Variants in FBXL17 observed in about 807,000 individuals in gnomAD.
The protein encoded by FBXL17 is F-box and leucine rich repeat protein 17, also known as F-box/LRR-repeat protein 17.
A neutral mutation model predicts 66.2 loss-of-function variants in FBXL17; 22 were observed. The observed-to-expected ratio is 0.33, with a 90% CI of 0.24 to 0.47. FBXL17 has a LOEUF of 0.47. FBXL17 is among the 20% of genes least tolerant of loss of function. FBXL17 has a pLI of 1.00. For missense variants in FBXL17, 878 were observed against 948.2 expected (o/e 0.93, Z 0.97); for synonymous variants, 474 against 400.5 (o/e 1.18, Z -2.19).
rs942570323 is a variant in FBXL17 at position 107,861,592 on chromosome 5, C to G, written c.*128G>C. Reference sequence around the variant, plus strand: ...TGGTATGCAGTATGCAAACAAGACACAAATACACATACTTGAACACACACA... The same window carrying G: ...TGGTATGCAGTATGCAAACAAGACAGAAATACACATACTTGAACACACACA... On this transcript the variant is annotated 3_prime_UTR_variant, in exon 9 of 9. Coordinates refer to ENST00000542267, the MANE Select transcript of FBXL17 (RefSeq NM_001163315.3). 15 of 861,998 alleles carry G rather than the reference C, an allele frequency of 1.7e-5. No individual in the cohort carries two copies. Among genetic ancestry groups the G allele is most frequent in the Middle Eastern group, 3.0e-4 (1 of 3,382 alleles). The allele number at this position is 861,998 out of a possible 1,614,324, so 53.4% of individuals were successfully genotyped here. A position where few individuals can be genotyped will look rare whatever the true frequency, so the allele number is the denominator to read the frequency against.
At chr5:108,050,819 A>G (rs748574685) in intron 6 of FBXL17, among the ~76,000 whole-genome samples, 17 of 152,154 alleles carry the variant, frequency 1.1e-4, no homozygotes, top group South Asian at 6.2e-4. Context: ...CTAGACTAAT[A>G]AAGAAGAAAA....
intron 4 of FBXL17, among the ~76,000 whole-genome samples, chr5:108,321,662 C>T (rs1444808659): frequency 6.6e-6 from 1 of 151,222 alleles, no homozygotes. Context: ...CTAACTATAA[C>T]TCAAAACTCA....
Position 108,381,361 on chromosome 5 carries a change from C to T in FBXL17, c.331G>A (p.Asp111Asn), listed in dbSNP as rs1259051973. ...AAGCGGCGGGCAGCAGCGGCGCAGT[C>T]CTCGGCGGCCAGGGCCGCGTAGCGC... ...ARRYAALAAE[D>N]CAAAARRFLL... is the part of the protein sequence containing the mutation. The change falls in exon 1 of 9, where the codon GAC (aspartate) becomes AAC (asparagine). Residue 111 changes from aspartate to asparagine, a missense_variant. By Grantham distance (23) the Asp-to-Asn change is conservative. Coordinates refer to ENST00000542267, the MANE Select transcript of FBXL17 (RefSeq NM_001163315.3). 1.2e-5 allele frequency: 16 copies of T among 1,346,154 alleles called. No individual in the cohort carries two copies. Among genetic ancestry groups the T allele is most frequent in the Non-Finnish European group, 1.5e-5 (16 of 1,057,410 alleles). The allele number at this position is 1,346,154 out of a possible 1,614,324, so 83.4% of individuals were successfully genotyped here.
At chr5:108,285,337 T>C (rs770125539) in intron 4 of FBXL17, among the ~76,000 whole-genome samples, 1 of 151,952 alleles carries the variant, frequency 6.6e-6, no homozygotes, top group Non-Finnish European at 1.5e-5. Context: ...TGAATGTTCT[T>C]AATGGCATCT....
At position 108,096,086 on chromosome 5, in the gene FBXL17, A is replaced by C. The variant is rs369204767; in HGVS notation, c.1746-75085T>G. ...TTAAAACTGTTATACGCTTGTTTGC[A>C]ATTCCATAAAGCTAAGGAGTCCAAA... On this transcript the variant is annotated intron_variant, in intron 6 of 8. Coordinates refer to ENST00000542267, the MANE Select transcript of FBXL17 (RefSeq NM_001163315.3). Among the ~76,000 whole-genome samples, 37 of 152,332 alleles carry C rather than the reference A, an allele frequency of 2.4e-4. No homozygotes were observed. The South Asian group carries it at 7.5e-3, about 31-fold the overall frequency.
At chr5:108,227,498 C>T (rs1226757777) in intron 4 of FBXL17, among the ~76,000 whole-genome samples, 1 of 152,114 alleles carries the variant, frequency 6.6e-6, no homozygotes, top group East Asian at 1.9e-4. Flanking sequence ...AAGATGAGAT[C>T]GACAAATTTA....
chr5:108,340,401 A>C (rs953947127), intron 4 of FBXL17, among the ~76,000 whole-genome samples: 10 of 152,004 alleles, frequency 6.6e-5, no homozygotes, highest in African/African-American at 2.4e-4. Flanking sequence ...AAAAAAAAAA[A>C]AAAAAAACTC....
At chr5:108,091,140 T>A (rs919859439) in intron 6 of FBXL17, among the ~76,000 whole-genome samples, 2 of 152,224 alleles carry the variant, frequency 1.3e-5, no homozygotes, top group African/African-American at 4.8e-5. Context: ...CAACCACTTA[T>A]CTGTGTGAAT....
intron 6 of FBXL17, among the ~76,000 whole-genome samples, chr5:108,041,647 A>C (rs1163546305): frequency 1.3e-5 from 2 of 151,994 alleles, no homozygotes; most frequent in Non-Finnish European, 2.9e-5. Flanking sequence ...CGAACTCCTT[A>C]GCTCAAGTGA....
At chr5:108,140,594 T>C (rs560602003) in intron 6 of FBXL17, among the ~76,000 whole-genome samples, 125 of 152,280 alleles carry the variant, frequency 8.2e-4, no homozygotes, top group Non-Finnish European at 1.7e-3. Context: ...TTTATTGGGG[T>C]TACATGTGGG....
Position 107,990,760 on chromosome 5 carries a change from G to A in FBXL17, c.1822+30165C>T, listed in dbSNP as rs150909630. Among the ~76,000 whole-genome samples, 245 of 152,234 alleles carry A rather than the reference G, an allele frequency of 1.6e-3. 1 individual carries two copies. The highest frequency in any genetic ancestry group is 3.4e-3 in the Admixed American group (52 of 15,278). ...GGCAAACTGATAAGCAACAGAAGAT[G>A]CAAACAGAAACATGAAAGACAAGGT... On this transcript the variant is annotated intron_variant, in intron 7 of 8. Coordinates refer to ENST00000542267, the MANE Select transcript of FBXL17 (RefSeq NM_001163315.3).
chr5:108,245,161 C>T (rs775258525), intron 4 of FBXL17, among the ~76,000 whole-genome samples: 32 of 152,012 alleles, frequency 2.1e-4, no homozygotes, highest in Non-Finnish European at 4.3e-4. Context: ...AAAGAACATA[C>T]CCATCCCTGG....
chr5:107,860,822 A>G lies in FBXL17; in HGVS notation c.*898T>C, dbSNP rs1395254038. ...TAATAATTACCAAAATTAAGAAAAT[A>G]ATGAAATGATCTGTAGTTTTTAAAA... is the stretch of plus-strand genomic sequence containing the variant. On this transcript the variant is annotated 3_prime_UTR_variant, in exon 9 of 9. Transcript: ENST00000542267. 2.6e-5 allele frequency: 4 copies of G among 152,440 alleles called. No individual in the cohort carries two copies. Among genetic ancestry groups the G allele is most frequent in the African/African-American group, 9.6e-5 (4 of 41,480 alleles). The allele number at this position is 152,440 out of a possible 1,614,324, so 9.4% of individuals were successfully genotyped here. A position where few individuals can be genotyped will look rare whatever the true frequency, so the allele number is the denominator to read the frequency against.
chr5:108,348,595 T>C, intron 3 of FBXL17, 65 bp from the exon 4 acceptor site: 3 of 1,525,558 alleles, frequency 2.0e-6, no homozygotes, highest in Non-Finnish European at 2.7e-6. Flanking sequence ...TCAAGTGAGA[T>C]TTTCATATAA....
chr5:108,098,570 C>A (rs1256328095), intron 6 of FBXL17, among the ~76,000 whole-genome samples: 1 of 151,738 alleles, frequency 6.6e-6, no homozygotes, highest in Non-Finnish European at 1.5e-5. Context: ...ACGGTCAAAC[C>A]CCGTCTCTAC....
At chr5:108,156,632 A>T (rs1752008123) in intron 6 of FBXL17, among the ~76,000 whole-genome samples, 1 of 152,040 alleles carries the variant, frequency 6.6e-6, no homozygotes, top group Non-Finnish European at 1.5e-5. Context: ...AGAAATTATA[A>T]ATGTGTTGTT....
At chr5:108,380,452 T>C (rs1032806926) in intron 1 of FBXL17, among the ~76,000 whole-genome samples, 2 of 152,202 alleles carry the variant, frequency 1.3e-5, no homozygotes, top group African/African-American at 4.8e-5. Flanking sequence ...TAATAATAGC[T>C]GAACCCTGAA....
chr5:108,070,188 G>A (rs1477474509), intron 6 of FBXL17, among the ~76,000 whole-genome samples: 2 of 152,136 alleles, frequency 1.3e-5, no homozygotes, highest in African/African-American at 4.8e-5. Context: ...ATAATGTCCT[G>A]CAAAGCCTAA....
At chr5:107,924,804 G>C (rs188301873) in intron 7 of FBXL17, among the ~76,000 whole-genome samples, 138 of 152,288 alleles carry the variant, frequency 9.1e-4, no homozygotes, top group African/African-American at 3.0e-3. Context: ...CTCGAGACCA[G>C]TTTAAGAATT....
Sources: allele counts gnomAD v4.1 joint callset (sites outside exome capture counted in the v4.1 genomes callset), GRCh38; gene constraint gnomAD v4.1.1; transcripts MANE v1.5; gene names NCBI Gene and HGNC (gene_info 2026-07-23, HGNC 2026-07-21).